Variants in CNTNAP2 observed in about 807,000 individuals in gnomAD.
CNTNAP2 encodes contactin associated protein 2, also known as contactin-associated protein-like 2.
CNTNAP2 carries 98 observed loss-of-function variants against 155.2 expected under a neutral mutation model. The observed-to-expected ratio is 0.63, with a 90% CI of 0.54 to 0.75. The LOEUF is 0.75. CNTNAP2 is among the 30% of genes least tolerant of loss of function. The probability of loss-of-function intolerance (pLI) is 0.00; values close to 1 mark genes in which losing one functional copy is unlikely to be tolerated. For missense variants in CNTNAP2, 1,727 were observed against 1,688.1 expected (o/e 1.02, Z -0.40); for synonymous variants, 651 against 631.2 (o/e 1.03, Z -0.47).
chr7:146,901,089 C>G (rs1795983723), intron 3 of CNTNAP2, among the ~76,000 whole-genome samples: 1 of 151,652 alleles, frequency 6.6e-6, no homozygotes, highest in Non-Finnish European at 1.5e-5. Flanking sequence ...AAGATGTCAA[C>G]ACAGGTAAAA....
chr7:147,383,622 G>C (rs921325987), intron 9 of CNTNAP2, among the ~76,000 whole-genome samples: 1 of 152,040 alleles, frequency 6.6e-6, no homozygotes, highest in East Asian at 1.9e-4. Flanking sequence ...GCCTGTCGGG[G>C]TGGGGAGCAA....
chr7:147,736,419 G>T (rs933895832), intron 13 of CNTNAP2, among the ~76,000 whole-genome samples: 24 of 152,216 alleles, frequency 1.6e-4, no homozygotes, highest in African/African-American at 5.3e-4. Flanking sequence ...TTCCCTTTGT[G>T]GGTAACCCGA....
At chr7:147,020,314 G>A (rs1475355087) in intron 3 of CNTNAP2, among the ~76,000 whole-genome samples, 1 of 152,068 alleles carries the variant, frequency 6.6e-6, no homozygotes, top group Non-Finnish European at 1.5e-5. Context: ...GAACTAGTGT[G>A]GAACTGGATT....
chr7:147,469,181 C>G (rs1292329554), intron 10 of CNTNAP2, among the ~76,000 whole-genome samples: 1 of 152,126 alleles, frequency 6.6e-6, no homozygotes, highest in African/African-American at 2.4e-5. Context: ...AAACATGAAG[C>G]TCCTTTGCAG....
intron 1 of CNTNAP2, among the ~76,000 whole-genome samples, chr7:146,376,876 A>G (rs780050210): frequency 5.1e-4 from 78 of 152,118 alleles, no homozygotes; most frequent in Admixed American, 8.5e-4. Context: ...CTTTTCCACC[A>G]TGTCAGGATA....
intron 21 of CNTNAP2, among the ~76,000 whole-genome samples, chr7:148,363,844 T>TGCCTGCGGC (rs1554424559): frequency 7.9e-6 from 1 of 125,936 alleles, no homozygotes; most frequent in African/African-American, 2.9e-5. Context: ...GAACTGGGGC[T>TGCCTGCGGC]GCGTGCGGGC....
At chr7:148,041,859 C>CG (rs1802682674) in intron 15 of CNTNAP2, among the ~76,000 whole-genome samples, 1 of 152,122 alleles carries the variant, frequency 6.6e-6, no homozygotes, top group Non-Finnish European at 1.5e-5. Flanking sequence ...AGAACCTCCA[C>CG]GGAATATATA....
rs749887909 is a variant in CNTNAP2, at chr7:146,482,206, G to GAAA, written c.98-292047_98-292045dup. 6.7e-3 allele frequency among the ~76,000 whole-genome samples: 551 copies of GAAA among 82,124 alleles called. 16 individuals carry two copies. Among genetic ancestry groups the GAAA allele is most frequent in the African/African-American group, 0.021 (449 of 20,998 alleles). The allele number at this position is 82,124 out of a possible 152,430, so 53.9% of individuals were successfully genotyped here. A position where few individuals can be genotyped will look rare whatever the true frequency, so the allele number is the denominator to read the frequency against. On this transcript the variant is annotated intron_variant, in intron 1 of 23. Coordinates refer to ENST00000361727, the MANE Select transcript of CNTNAP2 (RefSeq NM_014141.6). ...TGGAAGAGCCAGAGGCTAAGAATTA[G>GAAA]AAAAAAAAAAAAAAAAAAAACTCCA...
chr7:146,753,720 A>G (rs1016141098), intron 1 of CNTNAP2, among the ~76,000 whole-genome samples: 6 of 152,062 alleles, frequency 3.9e-5, no homozygotes, highest in Non-Finnish European at 7.4e-5. Context: ...ACCTGTGTTT[A>G]TCATCAGAGG....
At chr7:146,373,507 C>A (rs1563059478) in intron 1 of CNTNAP2, among the ~76,000 whole-genome samples, 2 of 151,858 alleles carry the variant, frequency 1.3e-5, no homozygotes, top group Non-Finnish European at 2.9e-5. Flanking sequence ...GCAGAATTTT[C>A]TTTTTTAACA....
chr7:147,337,704 A>C (rs2116853563), intron 9 of CNTNAP2, among the ~76,000 whole-genome samples: 1 of 152,250 alleles, frequency 6.6e-6, no homozygotes, highest in Admixed American at 6.5e-5. Context: ...TGTCATCACA[A>C]AACAACAAAA....
intron 1 of CNTNAP2, among the ~76,000 whole-genome samples, chr7:146,155,684 T>C (rs1218275627): frequency 1.5e-5 from 2 of 134,466 alleles, no homozygotes; most frequent in Non-Finnish European, 3.1e-5. Context: ...TAAAACAATA[T>C]CATTATTATT....
At chr7:146,160,037 C>G (rs1282619213) in intron 1 of CNTNAP2, among the ~76,000 whole-genome samples, 6 of 151,868 alleles carry the variant, frequency 4.0e-5, no homozygotes, top group Non-Finnish European at 7.4e-5. Context: ...GATTAAGAAA[C>G]TCACTCCAAA....
intron 13 of CNTNAP2, among the ~76,000 whole-genome samples, chr7:147,817,679 G>A (rs775787570): frequency 1.3e-5 from 2 of 151,908 alleles, no homozygotes; most frequent in South Asian, 2.1e-4. Context: ...CGAGGTGGGC[G>A]GATCACAAGG....
At chr7:146,643,979 T>C (rs1189177679) in intron 1 of CNTNAP2, among the ~76,000 whole-genome samples, 1 of 152,202 alleles carries the variant, frequency 6.6e-6, no homozygotes, top group African/African-American at 2.4e-5. Flanking sequence ...TATTGGTGTA[T>C]AAGAAAGCTT....
chr7:147,096,146 A>G (rs1175066984), intron 4 of CNTNAP2, among the ~76,000 whole-genome samples: 17 of 152,202 alleles, frequency 1.1e-4, no homozygotes, highest in Admixed American at 1.1e-3. Context: ...TTATTAGCAG[A>G]CTAATTGTTT....
intron 1 of CNTNAP2, among the ~76,000 whole-genome samples, chr7:146,710,485 A>G (rs1396341423): frequency 6.6e-6 from 1 of 152,176 alleles, no homozygotes; most frequent in Non-Finnish European, 1.5e-5. Context: ...AAACTACCCA[A>G]TAAGTAAAAT....
intron 11 of CNTNAP2, among the ~76,000 whole-genome samples, chr7:147,540,251 A>G (rs1799615117): frequency 6.6e-6 from 1 of 152,054 alleles, no homozygotes; most frequent in African/African-American, 2.4e-5. Flanking sequence ...CAGACCCCCC[A>G]GAACATCACA....
intron 1 of CNTNAP2, among the ~76,000 whole-genome samples, chr7:146,573,657 G>A (rs927842599): frequency 7.9e-5 from 12 of 152,104 alleles, no homozygotes; most frequent in East Asian, 7.7e-4. Flanking sequence ...ATGATTTAGC[G>A]GCAGTGCACA....
Sources: gnomAD v4.1 joint callset for allele counts (sites outside exome capture counted in the v4.1 genomes callset) on GRCh38, gnomAD v4.1.1 for gene constraint, MANE v1.5 for transcripts, NCBI Gene and HGNC (gene_info 2026-07-23, HGNC 2026-07-21) for gene names.